RERE: variants seen among roughly 807,000 people sequenced by gnomAD.
RERE encodes arginine-glutamic acid dipeptide repeats.
RERE carries 40 observed loss-of-function variants against 146.1 expected under a neutral mutation model. That is an observed-to-expected ratio of 0.27 (90% CI 0.21 to 0.36). The LOEUF is 0.36. RERE is among the 10% of genes least tolerant of loss of function. The probability of loss-of-function intolerance (pLI) is 1.00; values close to 1 mark genes in which losing one functional copy is unlikely to be tolerated. For synonymous variants in RERE, 1,003 were observed against 866.0 expected (o/e 1.16, Z -2.78); for missense variants, 1,933 against 2,138.7 (o/e 0.90, Z 1.90).
intron 1 of RERE, among the ~76,000 whole-genome samples, chr1:8,658,348 A>G (rs1288904920): frequency 1.3e-5 from 2 of 152,240 alleles, no homozygotes; most frequent in Non-Finnish European, 2.9e-5. Flanking sequence ...TCTGTTTCTC[A>G]TGCAACTAGG....
chr1:8,712,560 A>T (rs1379534101), intron 1 of RERE, among the ~76,000 whole-genome samples: 1 of 152,204 alleles, frequency 6.6e-6, no homozygotes, highest in Non-Finnish European at 1.5e-5. Context: ...CTTCCTTCAC[A>T]ATCTCTCCAG....
chr1:8,579,654 C>A (rs1184053802), intron 4 of RERE, among the ~76,000 whole-genome samples: 1 of 152,192 alleles, frequency 6.6e-6, no homozygotes, highest in Admixed American at 6.5e-5. Context: ...GGCTCTAGAA[C>A]AATGGTTCTT....
At chr1:8,813,224 A>G (rs781372868) in intron 1 of RERE, among the ~76,000 whole-genome samples, 1 of 152,224 alleles carries the variant, frequency 6.6e-6, no homozygotes. Flanking sequence ...GGATGTGTGT[A>G]TGTGTGTGTA....
intron 7 of RERE, among the ~76,000 whole-genome samples, chr1:8,531,366 C>A (rs1433933668): frequency 6.6e-6 from 1 of 151,706 alleles, no homozygotes; most frequent in African/African-American, 2.4e-5. Context: ...TCACTTGAGC[C>A]TGGGAGGCAG....
At chr1:8,410,538 C>T (rs1431553316) in intron 12 of RERE, among the ~76,000 whole-genome samples, 2 of 152,218 alleles carry the variant, frequency 1.3e-5, no homozygotes, top group African/African-American at 4.8e-5. Context: ...AAAAATGGAA[C>T]TGTTCAAAAC....
At position 8,361,882 on chromosome 1, in the gene RERE, G is replaced by T. The variant is rs774361940; in HGVS notation, c.1903-6C>A. The T allele has an allele frequency of 6.2e-7, 1 of 1,606,266 alleles. No individual in the cohort carries two copies. The highest frequency in any genetic ancestry group is 1.1e-5 in the South Asian group (1 of 90,906). ...GAGGCTTCCTCCTTCACCTTCTGCAGGGGAAAAGCCCACAAGGAGCAATCA... is the reference window on the plus strand; with the variant it reads ...GAGGCTTCCTCCTTCACCTTCTGCATGGGAAAAGCCCACAAGGAGCAATCA... On this transcript the variant is annotated splice_region_variant and splice_polypyrimidine_tract_variant and intron_variant, in intron 16 of 22. Transcript: ENST00000400908.
At chr1:8,361,587 T>A (rs575633939) in intron 17 of RERE, 97 bp from the exon 18 acceptor site, 1 of 1,514,580 alleles carries the variant, frequency 6.6e-7, no homozygotes, top group Admixed American at 1.7e-5. Flanking sequence ...TTTGTGCAGA[T>A]GAAGCAGCAA....
chr1:8,532,039 C>T (rs1645660780), intron 7 of RERE, among the ~76,000 whole-genome samples: 1 of 152,018 alleles, frequency 6.6e-6, no homozygotes, highest in African/African-American at 2.4e-5. Context: ...TCTCATGTAC[C>T]ACATACATAC....
intron 1 of RERE, chr1:8,786,296 G>C: frequency 1.1e-6 from 1 of 932,006 alleles, no homozygotes; most frequent in Non-Finnish European, 1.7e-6. Flanking sequence ...CTATCTTGTG[G>C]AGAAAATAAT....
At chr1:8,722,968 C>T (rs958459488) in intron 1 of RERE, among the ~76,000 whole-genome samples, 14 of 152,310 alleles carry the variant, frequency 9.2e-5, no homozygotes, top group Admixed American at 5.2e-4. Flanking sequence ...AGCTATTTGA[C>T]ATGGAAATTC....
chr1:8,360,938 G>C lies in RERE; in HGVS notation c.2569C>G (p.Leu857Val). Residue 857 changes from leucine (L) to valine (V), a missense_variant, in exon 18 of 23, where the codon CTG becomes GTG. Around this residue, in one of 11 missense-constraint regions of RERE, gnomAD observed 1,255 missense variants for 1,153.8 expected, o/e 1.09. Transcript: ENST00000400908. ...HGQGPPGPHS[L>V]QAGPLLQHPG... Reference sequence around the variant, plus strand: ...TGCTGCAGCAGGGGCCCAGCCTGCAGGCTGTGAGGGCCGGGTGGGCCCTGA... The same window carrying C: ...TGCTGCAGCAGGGGCCCAGCCTGCACGCTGTGAGGGCCGGGTGGGCCCTGA... 2.0e-6 allele frequency: 3 copies of C among 1,465,078 alleles called. No homozygotes were observed. Among genetic ancestry groups the C allele is most frequent in the Non-Finnish European group, 2.7e-6 (3 of 1,115,934 alleles). The allele number at this position is 1,465,078 out of a possible 1,614,324, so 90.8% of individuals were successfully genotyped here.
intron 11 of RERE, among the ~76,000 whole-genome samples, chr1:8,459,099 C>G (rs1391258162): frequency 6.6e-6 from 1 of 152,212 alleles, no homozygotes; most frequent in African/African-American, 2.4e-5. Context: ...AAACTCCATT[C>G]TATCCATACT....
chr1:8,388,524 T>G (rs1331403257), intron 12 of RERE, among the ~76,000 whole-genome samples: 9 of 152,086 alleles, frequency 5.9e-5, no homozygotes, highest in Admixed American at 2.0e-4. Flanking sequence ...TTTCACCTTG[T>G]TAGCCAGGAT....
rs1283864334 is a variant in RERE, at chr1:8,355,596, G to T, written c.4490C>A (p.Thr1497Asn). 1.9e-6 allele frequency: 3 copies of T among 1,572,296 alleles called. No homozygotes were observed. The highest frequency in any genetic ancestry group is 2.6e-6 in the Non-Finnish European group (3 of 1,156,322). ...HEMLRHPVFG[T>N]PYPRDLPGAI... ...CCCAGGCAGGTCACGGGGGTAGGGGGTGCCTGCCGAACACAAAACAACCTG... is the reference window on the plus strand; with the variant it reads ...CCCAGGCAGGTCACGGGGGTAGGGGTTGCCTGCCGAACACAAAACAACCTG... The change falls in exon 22 of 23, where the codon ACC becomes AAC. Residue 1497 changes from threonine to asparagine, a missense_variant. Thr to Asn is a moderately conservative substitution (Grantham distance 65). This residue lies in a region of RERE where 133 missense variants were observed against 168.6 expected (regional missense o/e 0.79). Transcript: ENST00000400908.
At chr1:8,471,957 G>A (rs925187201) in intron 10 of RERE, among the ~76,000 whole-genome samples, 3 of 152,104 alleles carry the variant, frequency 2.0e-5, no homozygotes, top group Non-Finnish European at 2.9e-5. Context: ...GACTACAGGC[G>A]CACGTCACCA....
chr1:8,762,032 T>C (rs1640766306), intron 1 of RERE, among the ~76,000 whole-genome samples: 1 of 152,226 alleles, frequency 6.6e-6, no homozygotes, highest in African/African-American at 2.4e-5. Context: ...AACACAACTC[T>C]ATCATGTCAC....
intron 1 of RERE, among the ~76,000 whole-genome samples, chr1:8,718,073 C>T (rs1639795682): frequency 6.6e-6 from 1 of 152,184 alleles, no homozygotes; most frequent in Admixed American, 6.5e-5. Context: ...ACCATAAGTG[C>T]ATGCAATTTC....
chr1:8,464,598 C>A (rs998277022), intron 11 of RERE, among the ~76,000 whole-genome samples: 22 of 152,158 alleles, frequency 1.4e-4, no homozygotes, highest in Non-Finnish European at 1.0e-4. Flanking sequence ...ACCCCTCCCA[C>A]CACTCCCCTC....
Position 8,771,522 on chromosome 1 carries a change from C to CA in RERE, c.-145+45637dup, listed in dbSNP as rs34012848. Among the ~76,000 whole-genome samples, 188 of 128,028 alleles carry CA rather than the reference C, an allele frequency of 1.5e-3. 3 individuals carry two copies. The highest frequency in any genetic ancestry group is 5.3e-3 in the South Asian group (20 of 3,750). The allele number at this position is 128,028 out of a possible 152,430, so 84.0% of individuals were successfully genotyped here. On this transcript the variant is annotated intron_variant, in intron 1 of 22. Transcript: ENST00000400908. ...CTGGGTGACAGAGAGAAACTTGTTT[C>CA]AAAAAAAAAAAAAAAACTATTAGGA...
Sources: allele counts gnomAD v4.1 joint callset (sites outside exome capture counted in the v4.1 genomes callset), GRCh38; gene constraint gnomAD v4.1.1; regional missense constraint gnomAD v4.1.1; transcripts MANE v1.5; gene names NCBI Gene and HGNC (gene_info 2026-07-23, HGNC 2026-07-21).